The following ANKRD44 variants were observed in gnomAD, a reference collection of about 807,000 sequenced individuals.
ANKRD44 encodes serine/threonine-protein phosphatase 6 regulatory ankyrin repeat subunit B.
ANKRD44 carries 35 observed loss-of-function variants against 116.0 expected under a neutral mutation model. The ratio of observed to expected loss-of-function variants is 0.30; its 90% CI spans 0.23 to 0.40. The LOEUF (loss-of-function observed/expected upper bound fraction) is 0.40. Among genes scored for constraint, ANKRD44 ranks in the 10% least tolerant of loss-of-function variants. ANKRD44 has a pLI of 1.00. For synonymous variants in ANKRD44, 435 were observed against 461.8 expected (o/e 0.94, Z 0.74); for missense variants, 1,014 against 1,242.6 (o/e 0.82, Z 2.77).
At chr2:196,979,554 C>T (rs1379226954) in intron 21 of ANKRD44, among the ~76,000 whole-genome samples, 24 of 59,636 alleles carry the variant, frequency 4.0e-4, no homozygotes, top group South Asian at 1.7e-3. Context: ...AATAAGATGA[C>T]TTTTTTTTTT....
intron 1 of ANKRD44, among the ~76,000 whole-genome samples, chr2:197,278,809 G>A (rs2083180107): frequency 6.6e-6 from 1 of 152,170 alleles, no homozygotes; most frequent in Non-Finnish European, 1.5e-5. Flanking sequence ...GCAAGCAAGT[G>A]CCTCAAATCT....
At chr2:197,063,900 T>C (rs963864678) in intron 16 of ANKRD44, among the ~76,000 whole-genome samples, 1 of 152,038 alleles carries the variant, frequency 6.6e-6, no homozygotes, top group Non-Finnish European at 1.5e-5. Context: ...CAGGAGAACT[T>C]CCCCAATCTA....
Position 197,125,853 on chromosome 2 carries a change from A to G in ANKRD44, c.446T>C (p.Leu149Pro). 6.2e-7 allele frequency: 1 copy of G among 1,614,126 alleles called. No homozygotes were observed. Among genetic ancestry groups the G allele is most frequent in the Non-Finnish European group, 8.5e-7 (1 of 1,180,050 alleles). ...GGRTALHHAA[L>P]NGHVEMVNLL... is the part of the protein sequence containing the mutation. ...AATACCCACCTCCACGTGGCCGTTC[A>G]GAGCCGCATGGTGCAAGGCTGTGCG... The change falls in exon 5 of 28, where the codon CTG becomes CCG. Residue 149 changes from leucine to proline, a missense_variant. Coordinates refer to ENST00000282272, the MANE Select transcript of ANKRD44 (RefSeq NM_001195144.2).
At chr2:197,097,359 T>C (rs764382917) in intron 10 of ANKRD44, among the ~76,000 whole-genome samples, 8 of 152,154 alleles carry the variant, frequency 5.3e-5, no homozygotes, top group African/African-American at 9.7e-5. Context: ...GGTGCCTAAA[T>C]ATTTATTTTT....
chr2:197,013,242 C>T (rs2076330507), intron 18 of ANKRD44, among the ~76,000 whole-genome samples: 1 of 152,022 alleles, frequency 6.6e-6, no homozygotes, highest in Non-Finnish European at 1.5e-5. Context: ...TACACCTTGC[C>T]CTTTGTTCAG....
At chr2:197,047,736 C>T (rs745436022) in intron 16 of ANKRD44, among the ~76,000 whole-genome samples, 5 of 151,924 alleles carry the variant, frequency 3.3e-5, no homozygotes, top group African/African-American at 1.2e-4. Context: ...ATGTTGAAAC[C>T]CCATCTCTAC....
intron 6 of ANKRD44, among the ~76,000 whole-genome samples, chr2:197,124,168 T>C (rs1310739776): frequency 6.6e-6 from 1 of 152,216 alleles, no homozygotes; most frequent in Non-Finnish European, 1.5e-5. Context: ...TGTCAACTTT[T>C]TTTTTTAAAT....
At chr2:197,274,366 G>C (rs1382977854) in intron 1 of ANKRD44, among the ~76,000 whole-genome samples, 1 of 152,172 alleles carries the variant, frequency 6.6e-6, no homozygotes, top group Non-Finnish European at 1.5e-5. Flanking sequence ...CCTCTCTTCA[G>C]ATAAAGGCTT....
chr2:197,196,150 T>G (rs1432257896), intron 1 of ANKRD44, among the ~76,000 whole-genome samples: 2 of 152,228 alleles, frequency 1.3e-5, no homozygotes, highest in African/African-American at 4.8e-5. Flanking sequence ...GGTTACATTC[T>G]TTGTATAACT....
Position 196,998,929 on chromosome 2 carries a change from C to T in ANKRD44, c.2643G>A (p.Glu881=), listed in dbSNP as rs771393865. The T allele has an allele frequency of 6.2e-7, 1 of 1,614,210 alleles. No individual in the cohort carries two copies. Among genetic ancestry groups the T allele is most frequent in the Non-Finnish European group, 8.5e-7 (1 of 1,180,014 alleles). ...SGKTALMMAA[E]NGQAGAVDIL... ...TACCCACAGCGCCTGCCTGCCCATT[C>T]TCAGCAGCCATCATCAGTGCTGTTT... The change falls in exon 24 of 28, where the codon GAG becomes GAA. Residue 881 remains glutamate, a synonymous_variant. Coordinates refer to ENST00000282272, the MANE Select transcript of ANKRD44 (RefSeq NM_001195144.2).
intron 16 of ANKRD44, among the ~76,000 whole-genome samples, chr2:197,026,047 C>CAAAACA (rs1553489114): frequency 2.3e-4 from 30 of 130,368 alleles, no homozygotes; most frequent in Non-Finnish European, 3.8e-4. Context: ...TAAAAAGAAA[C>CAAAACA]AAAAAAAAAA....
chr2:197,032,846 T>C (rs1386578970), intron 16 of ANKRD44, among the ~76,000 whole-genome samples: 1 of 152,152 alleles, frequency 6.6e-6, no homozygotes, highest in African/African-American at 2.4e-5. Context: ...AACTGAACAT[T>C]GGAGGTGGGG....
At chr2:197,184,658 A>G (rs963256466) in intron 2 of ANKRD44, among the ~76,000 whole-genome samples, 2 of 151,740 alleles carry the variant, frequency 1.3e-5, no homozygotes, top group African/African-American at 2.4e-5. Context: ...AAAAAAAAAA[A>G]AAAATCCTTC....
At chr2:197,156,292 G>C (rs529172660) in intron 2 of ANKRD44, among the ~76,000 whole-genome samples, 1 of 151,984 alleles carries the variant, frequency 6.6e-6, no homozygotes, top group East Asian at 1.9e-4. Flanking sequence ...CTTGCAGCGA[G>C]TGGAGATTGC....
At chr2:197,099,202 T>G (rs374210539) in intron 10 of ANKRD44, among the ~76,000 whole-genome samples, 25 of 152,306 alleles carry the variant, frequency 1.6e-4, no homozygotes, top group African/African-American at 5.8e-4. Context: ...ATTTGCCACT[T>G]AAGTCTGTTT....
intron 16 of ANKRD44, among the ~76,000 whole-genome samples, chr2:197,040,376 CTTTTT>C (rs56405646): frequency 2.0e-4 from 25 of 122,692 alleles, no homozygotes; most frequent in Non-Finnish European, 6.6e-5. Context: ...GGAGGTAAGC[CTTTTT>C]TTTTTTTTTT....
intron 1 of ANKRD44, among the ~76,000 whole-genome samples, chr2:197,222,490 C>G (rs1347645205): frequency 6.6e-6 from 1 of 152,202 alleles, no homozygotes; most frequent in Non-Finnish European, 1.5e-5. Flanking sequence ...CCTCATTCTT[C>G]TGGAAGATTG....
In ANKRD44 at chr2:197,086,756, G is replaced by C; in HGVS notation, c.1248-8C>G. On this transcript the variant is annotated splice_polypyrimidine_tract_variant and splice_region_variant and intron_variant, in intron 12 of 27. Transcript: ENST00000282272. ...TTTATACATTCCACATTACTAGAAA[G>C]ACAGGGAAAACATCATTAAGATGGA... 6.2e-7 allele frequency: 1 copy of C among 1,613,160 alleles called. No individual in the cohort carries two copies. Among genetic ancestry groups the C allele is most frequent in the South Asian group, 1.1e-5 (1 of 91,048 alleles).
rs185471216 is a variant in ANKRD44 at position 197,109,020 on chromosome 2, G to A, written c.985+1746C>T. ...TGCCAGCAGGACAGAGAGGAGATGC[G>A]TCATAGAGATGACCAGCATGGCCTG... On this transcript the variant is annotated intron_variant, in intron 9 of 27. Transcript: ENST00000282272. 1.6e-4 allele frequency among the ~76,000 whole-genome samples: 24 copies of A among 152,308 alleles called. No homozygotes were observed. The East Asian group carries it at 2.9e-3, about 18-fold the overall frequency.
Sources: allele counts gnomAD v4.1 joint callset (sites outside exome capture counted in the v4.1 genomes callset), GRCh38; gene constraint gnomAD v4.1.1; transcripts MANE v1.5; gene names NCBI Gene and HGNC (gene_info 2026-07-23, HGNC 2026-07-21).